The following RALYL variants were observed in gnomAD, a reference collection of about 807,000 sequenced individuals.
The protein encoded by RALYL is RALY RNA binding protein like, also known as RNA-binding Raly-like protein.
RALYL carries 29 observed loss-of-function variants against 35.1 expected under a neutral mutation model. That is an observed-to-expected ratio of 0.83 (90% CI 0.61 to 1.13). RALYL has a LOEUF of 1.13. Ranked by LOEUF, RALYL falls within the 50% of genes most tolerant of loss-of-function variation. RALYL has a pLI of 0.00. For missense variants in RALYL, 359 were observed against 360.4 expected (o/e 1.00, Z 0.03); for synonymous variants, 120 against 127.6 (o/e 0.94, Z 0.40).
intron 1 of RALYL, among the ~76,000 whole-genome samples, chr8:84,468,778 C>T (rs201339175): frequency 4.0e-4 from 61 of 152,136 alleles, no homozygotes; most frequent in African/African-American, 1.0e-3. Flanking sequence ...CTTTCAGGTA[C>T]ACCAATCAGA....
At chr8:84,371,572 C>CAGAAAGAGAGAGAG (rs1554638185) in intron 1 of RALYL, among the ~76,000 whole-genome samples, 2,053 of 147,390 alleles carry the variant, frequency 0.014, 53 homozygotes, top group African/African-American at 0.049. Context: ...CACACACACA[C>CAGAAAGAGAGAGAG]AGAAAGAGAG....
chr8:84,815,689 T>C (rs965363209), intron 4 of RALYL, among the ~76,000 whole-genome samples: 3 of 151,904 alleles, frequency 2.0e-5, no homozygotes, highest in Non-Finnish European at 2.9e-5. Context: ...GCATCAGATA[T>C]ACTCTGATCT....
chr8:84,808,753 A>G (rs1210740944), intron 4 of RALYL, among the ~76,000 whole-genome samples: 3 of 151,496 alleles, frequency 2.0e-5, no homozygotes, highest in African/African-American at 7.3e-5. Flanking sequence ...AGTATTTTAA[A>G]TTTTTTTGCA....
chr8:84,868,179 A>G (rs750327532), intron 6 of RALYL, among the ~76,000 whole-genome samples: 4 of 152,254 alleles, frequency 2.6e-5, no homozygotes, highest in Non-Finnish European at 5.9e-5. Flanking sequence ...ATTGTTGCCT[A>G]TTGGCTAAAG....
chr8:84,438,797 A>T (rs536470274), intron 1 of RALYL, among the ~76,000 whole-genome samples: 1 of 152,166 alleles, frequency 6.6e-6, no homozygotes. Context: ...ATTCTTCTGC[A>T]TATAGCTAGC....
intron 2 of RALYL, among the ~76,000 whole-genome samples, chr8:84,530,562 C>A (rs936146330): frequency 6.6e-6 from 1 of 151,988 alleles, no homozygotes. Flanking sequence ...CAAATATAGT[C>A]CAAACCCAAT....
At chr8:84,714,250 G>A (rs556476520) in intron 2 of RALYL, among the ~76,000 whole-genome samples, 1 of 151,882 alleles carries the variant, frequency 6.6e-6, no homozygotes, top group South Asian at 2.1e-4. Flanking sequence ...CCAGAGGTTA[G>A]GTGGACAGGA....
At chr8:84,296,523 A>G (rs1839772521) in intron 1 of RALYL, among the ~76,000 whole-genome samples, 1 of 151,320 alleles carries the variant, frequency 6.6e-6, no homozygotes, top group Non-Finnish European at 1.5e-5. Flanking sequence ...TATTCCATCC[A>G]GTTTGCAGAG....
At chr8:84,516,862 C>A (rs1274747429) in intron 1 of RALYL, among the ~76,000 whole-genome samples, 26 of 152,124 alleles carry the variant, frequency 1.7e-4, no homozygotes, top group Admixed American at 1.6e-3. Flanking sequence ...TAAAAGCCAG[C>A]CATATCAGTG....
At chr8:84,744,109 G>A (rs1396386029) in intron 2 of RALYL, among the ~76,000 whole-genome samples, 1 of 151,928 alleles carries the variant, frequency 6.6e-6, no homozygotes, top group African/African-American at 2.4e-5. Flanking sequence ...TATGTATTTG[G>A]CAACAATTTT....
At chr8:84,692,039 T>C (rs749244093) in intron 2 of RALYL, among the ~76,000 whole-genome samples, 2 of 151,856 alleles carry the variant, frequency 1.3e-5, no homozygotes, top group Non-Finnish European at 2.9e-5. Flanking sequence ...TCATGATTTT[T>C]AAAAAAAACT....
chr8:84,811,366 T>G (rs1437343964), intron 4 of RALYL, among the ~76,000 whole-genome samples: 2 of 152,142 alleles, frequency 1.3e-5, no homozygotes, highest in Non-Finnish European at 2.9e-5. Flanking sequence ...GTTTGTAGGG[T>G]TTCTGCTGAG....
chr8:84,711,800 T>C (rs538355313), intron 2 of RALYL, among the ~76,000 whole-genome samples: 86 of 152,192 alleles, frequency 5.7e-4, no homozygotes, highest in Non-Finnish European at 1.1e-3. Flanking sequence ...AAGGTACTTA[T>C]TGAAATTGAT....
intron 3 of RALYL, among the ~76,000 whole-genome samples, chr8:84,803,284 A>G (rs1476694198): frequency 6.6e-6 from 1 of 152,202 alleles, no homozygotes; most frequent in Non-Finnish European, 1.5e-5. Context: ...TGGTCTAAAT[A>G]TGTGAACAAT....
chr8:84,576,526 A>C (rs1223517515), intron 2 of RALYL, among the ~76,000 whole-genome samples: 1 of 152,170 alleles, frequency 6.6e-6, no homozygotes, highest in Non-Finnish European at 1.5e-5. Flanking sequence ...TTTGCTCTTC[A>C]GGTTGACACA....
At chr8:84,302,978 G>A (rs752416924) in intron 1 of RALYL, among the ~76,000 whole-genome samples, 1 of 152,154 alleles carries the variant, frequency 6.6e-6, no homozygotes, top group Admixed American at 6.5e-5. Flanking sequence ...AGTTATGTAG[G>A]TAGGAGTTTG....
intron 2 of RALYL, among the ~76,000 whole-genome samples, chr8:84,530,397 A>G (rs573095389): frequency 1.5e-4 from 23 of 152,030 alleles, no homozygotes; most frequent in Non-Finnish European, 2.6e-4. Flanking sequence ...TCATATGCCC[A>G]GAACAAAACC....
intron 4 of RALYL, among the ~76,000 whole-genome samples, chr8:84,844,392 A>C (rs999941230): frequency 6.6e-6 from 1 of 152,238 alleles, no homozygotes; most frequent in Non-Finnish European, 1.5e-5. Context: ...TGGCCATCAG[A>C]GAAATGCAAA....
intron 1 of RALYL, among the ~76,000 whole-genome samples, chr8:84,373,251 T>G (rs1856268815): frequency 6.6e-6 from 1 of 151,840 alleles, no homozygotes; most frequent in South Asian, 2.1e-4. Context: ...TTTTTGCTTT[T>G]GTTAAAATTG....
Sources: allele counts gnomAD v4.1 joint callset (sites outside exome capture counted in the v4.1 genomes callset), GRCh38; gene constraint gnomAD v4.1.1; transcripts MANE v1.5; gene names NCBI Gene and HGNC (gene_info 2026-07-23, HGNC 2026-07-21).